Variants in PDE8B observed in about 807,000 individuals in gnomAD.
PDE8B encodes the protein high affinity cAMP-specific and IBMX-insensitive 3',5'-cyclic phosphodiesterase 8B.
PDE8B carries 26 observed loss-of-function variants against 101.3 expected under a neutral mutation model. That is an observed-to-expected ratio of 0.26 (90% CI 0.19 to 0.36). The LOEUF (loss-of-function observed/expected upper bound fraction) is 0.36. PDE8B is among the 10% of genes least tolerant of loss of function. The pLI, the probability that PDE8B is intolerant of heterozygous loss-of-function variation, is 1.00. For missense variants in PDE8B, 810 were observed against 1,163.1 expected (o/e 0.70, Z 4.42); for synonymous variants, 424 against 429.3 (o/e 0.99, Z 0.15).
chr5:77,093,400 C>CT, the PDE8B span, among the ~76,000 whole-genome samples: 17 of 152,056 alleles, frequency 1.1e-4, no homozygotes, highest in African/African-American at 4.1e-4. Context: ...ATTTTTTATA[C>CT]TTTTTTTTAT....
the PDE8B span, among the ~76,000 whole-genome samples, chr5:77,109,027 G>A: frequency 1.3e-5 from 2 of 152,284 alleles, no homozygotes; most frequent in East Asian, 3.9e-4. Flanking sequence ...GATAGAGTGG[G>A]GTTTGGTTGG....
intron 1 of PDE8B, among the ~76,000 whole-genome samples, chr5:77,223,075 G>A (rs6870257): frequency 0.77 from 117,832 of 152,110 alleles, 46,732 homozygotes; most frequent in East Asian, 0.97. Context: ...ACCTGCACAT[G>A]TAATTGTAAA....
chr5:77,176,659 A>T, the PDE8B span, among the ~76,000 whole-genome samples: 1 of 152,206 alleles, frequency 6.6e-6, no homozygotes, highest in Non-Finnish European at 1.5e-5. Flanking sequence ...AGGGACAGAC[A>T]GAGAGCAGTG....
At chr5:77,380,980 C>T (rs529899846) in intron 10 of PDE8B, among the ~76,000 whole-genome samples, 311 of 152,122 alleles carry the variant, frequency 2.0e-3, no homozygotes, top group South Asian at 3.5e-3. Flanking sequence ...TACAAAGACT[C>T]GGAGGTGGGA....
intron 20 of PDE8B, among the ~76,000 whole-genome samples, chr5:77,423,987 G>A (rs1202719689): frequency 6.6e-6 from 1 of 151,884 alleles, no homozygotes; most frequent in African/African-American, 2.4e-5. Context: ...CGTCTTTTGA[G>A]AAGTGTCTGT....
At chr5:77,195,232 C>T in the PDE8B span, among the ~76,000 whole-genome samples, 1 of 152,176 alleles carries the variant, frequency 6.6e-6, no homozygotes, top group East Asian at 1.9e-4. Context: ...GGCAAGAGTA[C>T]AAGAGAGATC....
At chr5:77,168,268 A>G in the PDE8B span, among the ~76,000 whole-genome samples, 3 of 152,246 alleles carry the variant, frequency 2.0e-5, no homozygotes, top group Admixed American at 2.0e-4. Flanking sequence ...CTGAGAAGTC[A>G]GAGCTGGAAG....
chr5:77,219,521 G>C (rs1189338969), intron 1 of PDE8B, among the ~76,000 whole-genome samples: 2 of 152,168 alleles, frequency 1.3e-5, no homozygotes, highest in Non-Finnish European at 2.9e-5. Context: ...TCCGGAACTG[G>C]AAGGTGATGA....
At chr5:77,237,682 A>G (rs1754973705) in intron 1 of PDE8B, among the ~76,000 whole-genome samples, 1 of 152,144 alleles carries the variant, frequency 6.6e-6, no homozygotes, top group Non-Finnish European at 1.5e-5. Context: ...TTTACAATCT[A>G]TTGCTTTTCC....
At chr5:77,224,164 C>T (rs1433687789) in intron 1 of PDE8B, among the ~76,000 whole-genome samples, 1 of 152,100 alleles carries the variant, frequency 6.6e-6, no homozygotes, top group Non-Finnish European at 1.5e-5. Flanking sequence ...CTTTAATTTT[C>T]AACTTCTTCT....
intron 1 of PDE8B, among the ~76,000 whole-genome samples, chr5:77,294,223 A>G (rs1768025751): frequency 6.6e-6 from 1 of 152,216 alleles, no homozygotes; most frequent in African/African-American, 2.4e-5. Flanking sequence ...TCTATAAACT[A>G]AAAAATATGA....
At chr5:77,312,638 C>T (rs1422917320) in intron 2 of PDE8B, among the ~76,000 whole-genome samples, 1 of 152,186 alleles carries the variant, frequency 6.6e-6, no homozygotes. Flanking sequence ...AGCTGTGTGA[C>T]CTTGCATATA....
chr5:77,281,618 T>C (rs1332821352), intron 1 of PDE8B, among the ~76,000 whole-genome samples: 1 of 152,176 alleles, frequency 6.6e-6, no homozygotes, highest in East Asian at 1.9e-4. Context: ...TTCGCCTCCC[T>C]CTTATGAGAA....
At chr5:77,142,731 T>G in the PDE8B span, among the ~76,000 whole-genome samples, 1 of 151,984 alleles carries the variant, frequency 6.6e-6, no homozygotes, top group Non-Finnish European at 1.5e-5. Context: ...CTTATTATAA[T>G]GGCTTCCACA....
chr5:77,344,340 G>T (rs1310393691), intron 6 of PDE8B, among the ~76,000 whole-genome samples: 6 of 152,204 alleles, frequency 3.9e-5, no homozygotes, highest in Non-Finnish European at 8.8e-5. Context: ...TAGGAATTAG[G>T]TTATAATCTC....
intron 1 of PDE8B, among the ~76,000 whole-genome samples, chr5:77,253,850 G>A (rs1419951777): frequency 1.3e-5 from 2 of 151,972 alleles, no homozygotes; most frequent in Non-Finnish European, 2.9e-5. Flanking sequence ...CTCCTAAGTT[G>A]ATTGATTCAA....
At chr5:77,420,719 A>G (rs1796468969) in intron 19 of PDE8B, among the ~76,000 whole-genome samples, 1 of 152,154 alleles carries the variant, frequency 6.6e-6, no homozygotes, top group Non-Finnish European at 1.5e-5. Flanking sequence ...CTCTCCTTCC[A>G]CAGAAGACTT....
chr5:77,197,375 C>T, the PDE8B span, among the ~76,000 whole-genome samples: 4 of 152,084 alleles, frequency 2.6e-5, no homozygotes, highest in Non-Finnish European at 4.4e-5. Flanking sequence ...CCTTGGCCTC[C>T]TAAAGTGCTG....
intron 1 of PDE8B, among the ~76,000 whole-genome samples, chr5:77,292,007 A>G (rs1259436624): frequency 1.3e-5 from 2 of 152,172 alleles, no homozygotes; most frequent in Non-Finnish European, 2.9e-5. Flanking sequence ...TTAAAAAAAA[A>G]AAAAACCATT....
Sources: gnomAD v4.1 joint callset for allele counts (sites outside exome capture counted in the v4.1 genomes callset) on GRCh38, gnomAD v4.1.1 for gene constraint, MANE v1.5 for transcripts, NCBI Gene and HGNC (gene_info 2026-07-23, HGNC 2026-07-21) for gene names.